The following ARHGAP42 variants were observed in gnomAD, a reference collection of about 807,000 sequenced individuals.
ARHGAP42 encodes the protein rho GTPase-activating protein 42.
In ARHGAP42, 63 loss-of-function variants were observed where a neutral mutation model predicts 125.0. The observed-to-expected ratio is 0.50, with a 90% CI of 0.41 to 0.62. The LOEUF is 0.62. ARHGAP42 is among the 20% of genes least tolerant of loss of function. The pLI is 0.00. For synonymous variants in ARHGAP42, 339 were observed against 351.0 expected, an observed-to-expected ratio of 0.97 and a Z score of 0.38; for missense variants, 766 against 1,024.2, an observed-to-expected ratio of 0.75 and a Z score of 3.44.
At chr11:100,884,906 G>A (rs964689712) in intron 4 of ARHGAP42, among the ~76,000 whole-genome samples, 4 of 152,138 alleles carry the variant, frequency 2.6e-5, no homozygotes, top group South Asian at 2.1e-4. Context: ...GAGGGTCCTT[G>A]CAGATTTAAA....
chr11:100,709,816 G>T (rs895405269), intron 1 of ARHGAP42, among the ~76,000 whole-genome samples: 2 of 152,212 alleles, frequency 1.3e-5, no homozygotes, highest in African/African-American at 4.8e-5. Flanking sequence ...TCTGCAGTTT[G>T]CTGCAGTCCA....
chr11:100,759,200 TAAATG>T (rs1410790042), intron 1 of ARHGAP42, among the ~76,000 whole-genome samples: 2 of 152,150 alleles, frequency 1.3e-5, no homozygotes, highest in Admixed American at 6.5e-5. Context: ...TAACAGATCT[TAAATG>T]AAAGAACCTT....
At chr11:100,746,127 A>G (rs947090481) in intron 1 of ARHGAP42, among the ~76,000 whole-genome samples, 4 of 152,246 alleles carry the variant, frequency 2.6e-5, no homozygotes, top group Non-Finnish European at 5.9e-5. Flanking sequence ...AAGGTCCACC[A>G]TAATACCATT....
Position 100,898,480 on chromosome 11 carries a change from T to G in ARHGAP42, c.385-14972T>G, listed in dbSNP as rs1866424792. ...TGAATCTATCTGGTCCTGGACTGTTTTTGGTTGGTAGGCTATTAATTATTG... is the reference window on the plus strand; with the variant it reads ...TGAATCTATCTGGTCCTGGACTGTTGTTGGTTGGTAGGCTATTAATTATTG... On this transcript the variant is annotated intron_variant, in intron 4 of 23. Coordinates refer to ENST00000298815, the MANE Select transcript of ARHGAP42 (RefSeq NM_152432.4). 2.0e-5 allele frequency among the ~76,000 whole-genome samples: 3 copies of G among 152,252 alleles called. No individual in the cohort carries two copies. In the South Asian group the frequency reaches 6.2e-4, roughly 32 times the overall value.
chr11:100,962,213 T>G (rs996922913), intron 15 of ARHGAP42, among the ~76,000 whole-genome samples, 196 bp from the exon 16 acceptor site: 9 of 152,172 alleles, frequency 5.9e-5, no homozygotes, highest in African/African-American at 2.2e-4. Flanking sequence ...GGTCTGCGTT[T>G]CAGGTCTCTC....
chr11:100,701,230 T>G (rs965748336), intron 1 of ARHGAP42, among the ~76,000 whole-genome samples: 8 of 152,136 alleles, frequency 5.3e-5, no homozygotes, highest in Non-Finnish European at 1.0e-4. Context: ...CATTCAGGCT[T>G]TGTTCCATTT....
At chr11:100,866,493 A>G (rs1030109604) in intron 4 of ARHGAP42, among the ~76,000 whole-genome samples, 6 of 152,222 alleles carry the variant, frequency 3.9e-5, no homozygotes, top group Non-Finnish European at 8.8e-5. Context: ...TGCTATGAGT[A>G]ACTACCTGAG....
Position 100,949,914 on chromosome 11 carries a change from T to C in ARHGAP42, c.1123-3T>C. On this transcript the variant is annotated splice_region_variant and splice_polypyrimidine_tract_variant and intron_variant, in intron 11 of 23. Coordinates refer to ENST00000298815, the MANE Select transcript of ARHGAP42 (RefSeq NM_152432.4). The stretch of plus-strand genomic sequence containing the variant: ...TAACTAATGGACATCCTTTGTTTTT[T>C]AGATTTATACTCTGCCTGCCATTAT... 1 of 1,472,336 alleles carries C rather than the reference T, an allele frequency of 6.8e-7. No individual in the cohort carries two copies. Among genetic ancestry groups the C allele is most frequent in the Non-Finnish European group, 9.2e-7 (1 of 1,085,552 alleles). 91.2% of individuals were successfully genotyped at this position (1,472,336 alleles called of 1,614,324 possible).
chr11:100,864,246 G>A (rs1263776873), intron 4 of ARHGAP42, among the ~76,000 whole-genome samples: 5 of 150,972 alleles, frequency 3.3e-5, no homozygotes, highest in South Asian at 2.1e-4. Context: ...GTGCAGTAGC[G>A]CAATCTCGGC....
At chr11:100,857,430 G>A (rs1297747695) in intron 3 of ARHGAP42, among the ~76,000 whole-genome samples, 1 of 152,090 alleles carries the variant, frequency 6.6e-6, no homozygotes, top group African/African-American at 2.4e-5. Context: ...GGATGTGAAT[G>A]TGAGTGCCAA....
chr11:100,855,348 A>G (rs568151666), intron 3 of ARHGAP42, among the ~76,000 whole-genome samples: 2 of 152,128 alleles, frequency 1.3e-5, no homozygotes, highest in Non-Finnish European at 2.9e-5. Context: ...TGGCACCAAC[A>G]TCACTGGATT....
intron 22 of ARHGAP42, among the ~76,000 whole-genome samples, chr11:100,983,543 G>A (rs1858597193): frequency 6.6e-6 from 1 of 152,106 alleles, no homozygotes; most frequent in Non-Finnish European, 1.5e-5. Flanking sequence ...GGGATGGTAG[G>A]GGAGTTCACT....
intron 1 of ARHGAP42, among the ~76,000 whole-genome samples, chr11:100,693,418 G>A (rs1226823842): frequency 6.6e-6 from 1 of 152,138 alleles, no homozygotes; most frequent in African/African-American, 2.4e-5. Flanking sequence ...TTAAGGTTCT[G>A]TTTCCAGAGA....
rs185656639 is a variant in ARHGAP42, at chr11:100,697,343, C to T, written c.154+9511C>T. On this transcript the variant is annotated intron_variant, in intron 1 of 23. Transcript: ENST00000298815. ...GACTACGGGCGCCCGGCACCACGCCCGGCTGATTTTTTGTATTTTTAGTAG... is the reference window on the plus strand; with the variant it reads ...GACTACGGGCGCCCGGCACCACGCCTGGCTGATTTTTTGTATTTTTAGTAG... Among the ~76,000 whole-genome samples, 715 of 152,212 alleles carry T rather than the reference C, an allele frequency of 4.7e-3. 6 individuals are homozygous for T. Among genetic ancestry groups the T allele is most frequent in the African/African-American group, 0.017 (687 of 41,542 alleles).
chr11:100,688,590 C>T (rs1337986843), intron 1 of ARHGAP42, among the ~76,000 whole-genome samples: 1 of 152,176 alleles, frequency 6.6e-6, no homozygotes, highest in Admixed American at 6.5e-5. Flanking sequence ...CTTTTATCCT[C>T]TGGATCTTAG....
intron 4 of ARHGAP42, among the ~76,000 whole-genome samples, chr11:100,899,731 TTTG>T (rs550855497): frequency 0.24 from 26,598 of 111,106 alleles, 3,973 homozygotes; most frequent in African/African-American, 0.47. Context: ...TGTTTTTTTT[TTTG>T]TTTTTTTTTG....
At chr11:100,798,729 G>A (rs1465540723) in intron 3 of ARHGAP42, among the ~76,000 whole-genome samples, 2 of 151,904 alleles carry the variant, frequency 1.3e-5, no homozygotes, top group Non-Finnish European at 2.9e-5. Flanking sequence ...TCACTTTATT[G>A]CAGTAACTTG....
At chr11:100,866,913 A>G (rs973310447) in intron 4 of ARHGAP42, among the ~76,000 whole-genome samples, 9 of 152,220 alleles carry the variant, frequency 5.9e-5, no homozygotes, top group Non-Finnish European at 1.3e-4. Flanking sequence ...AACAGATTTT[A>G]TGTTAGCAGG....
intron 16 of ARHGAP42, among the ~76,000 whole-genome samples, chr11:100,963,218 A>G (rs1272364982): frequency 6.6e-6 from 1 of 152,150 alleles, no homozygotes; most frequent in Non-Finnish European, 1.5e-5. Context: ...CCTCTCCCTC[A>G]TATTTTATTT....
Sources: gnomAD v4.1 joint callset for allele counts (sites outside exome capture counted in the v4.1 genomes callset) on GRCh38, gnomAD v4.1.1 for gene constraint, MANE v1.5 for transcripts, NCBI Gene and HGNC (gene_info 2026-07-23, HGNC 2026-07-21) for gene names.